ADAM19: variants seen among roughly 807,000 people sequenced by gnomAD.
The protein encoded by ADAM19 is ADAM metallopeptidase domain 19, also known as disintegrin and metalloproteinase domain-containing protein 19.
ADAM19 carries 65 observed loss-of-function variants against 114.7 expected under a neutral mutation model. That is an observed-to-expected ratio of 0.57 (90% CI 0.46 to 0.70). ADAM19 has a LOEUF of 0.70. Ranked by LOEUF, ADAM19 falls within the 30% of genes least tolerant of loss-of-function variation. ADAM19 has a pLI of 0.00. For missense variants in ADAM19, 1,063 were observed against 1,204.7 expected, an observed-to-expected ratio of 0.88 and a Z score of 1.74; for synonymous variants, 466 against 460.5, an observed-to-expected ratio of 1.01 and a Z score of -0.15.
rs776049200 is a variant in ADAM19 at position 157,520,056 on chromosome 5, CTGGTCAAAGATTATGGT to C, written c.408-42_408-26del. The C allele has an allele frequency of 2.5e-6, 4 of 1,588,382 alleles. No homozygotes were observed. The African/African-American group carries it at 5.4e-5, about 21-fold the overall frequency. Reference sequence around the variant, plus strand: ...TCTGTTGAGAGGAGAAATAGAATCTCTGGTCAAAGATTATGGTTCTGAAAAAGTCCCTTGTGTAGGTC... The same window carrying C: ...TCTGTTGAGAGGAGAAATAGAATCTCTCTGAAAAAGTCCCTTGTGTAGGTC... On this transcript the variant is annotated intron_variant, in intron 5 of 22. Transcript: ENST00000257527.
intron 3 of ADAM19, among the ~76,000 whole-genome samples, chr5:157,554,057 C>T (rs1299094726): frequency 6.6e-6 from 1 of 152,140 alleles, no homozygotes; most frequent in Non-Finnish European, 1.5e-5. Flanking sequence ...ACCAAGAATA[C>T]ACTATGACCT....
At chr5:157,559,182 T>C (rs1757442782) in intron 3 of ADAM19, among the ~76,000 whole-genome samples, 1 of 152,232 alleles carries the variant, frequency 6.6e-6, no homozygotes, top group Non-Finnish European at 1.5e-5. Context: ...CAAACGCCCG[T>C]TCTTATTAAC....
chr5:157,515,765 T>C (rs1174797646), intron 7 of ADAM19, among the ~76,000 whole-genome samples: 1 of 152,178 alleles, frequency 6.6e-6, no homozygotes, highest in African/African-American at 2.4e-5. Context: ...GCCAGCATCA[T>C]GGAAGTCCTT....
intron 3 of ADAM19, among the ~76,000 whole-genome samples, chr5:157,558,014 A>T (rs957661221): frequency 6.6e-6 from 1 of 152,228 alleles, no homozygotes; most frequent in Non-Finnish European, 1.5e-5. Context: ...CTGCAACTCC[A>T]GGCATTTGGG....
chr5:157,490,459 C>G lies in ADAM19; in HGVS notation c.2096-5G>C, dbSNP rs756037594. On this transcript the variant is annotated splice_polypyrimidine_tract_variant and splice_region_variant and intron_variant, in intron 18 of 22. Transcript: ENST00000257527. Reference sequence around the variant, plus strand: ...CAGCTACCACAGGACCCACACCTTCCAGAAACAGAACCCAAGTGGGAGATT... The same window carrying G: ...CAGCTACCACAGGACCCACACCTTCGAGAAACAGAACCCAAGTGGGAGATT... 1.9e-6 allele frequency: 3 copies of G among 1,613,430 alleles called. No individual in the cohort carries two copies. Among genetic ancestry groups the G allele is most frequent in the Non-Finnish European group, 2.5e-6 (3 of 1,179,690 alleles).
intron 3 of ADAM19, among the ~76,000 whole-genome samples, chr5:157,558,926 C>T (rs1757433702): frequency 6.6e-6 from 1 of 152,122 alleles, no homozygotes; most frequent in African/African-American, 2.4e-5. Context: ...TGTTAGGGAG[C>T]TAGATTACTC....
intron 19 of ADAM19, among the ~76,000 whole-genome samples, chr5:157,489,790 A>C (rs577601296): frequency 1.3e-5 from 2 of 152,334 alleles, no homozygotes; most frequent in African/African-American, 4.8e-5. Context: ...GTTCGAGACC[A>C]GCCTGGTCAA....
At chr5:157,491,550 C>A in intron 18 of ADAM19, 65 bp downstream of exon 18, 1 of 1,170,276 alleles carries the variant, frequency 8.5e-7, no homozygotes, top group Non-Finnish European at 1.2e-6. Context: ...TGCAACATGC[C>A]ACCTGCCCCT....
intron 9 of ADAM19, among the ~76,000 whole-genome samples, chr5:157,508,177 C>A (rs1315680721): frequency 2.0e-5 from 3 of 152,212 alleles, no homozygotes; most frequent in African/African-American, 7.2e-5. Flanking sequence ...TTCTAATAGC[C>A]AAAGACTCTT....
At chr5:157,499,130 A>G (rs535696139) in intron 13 of ADAM19, among the ~76,000 whole-genome samples, 10 of 152,282 alleles carry the variant, frequency 6.6e-5, no homozygotes, top group African/African-American at 2.4e-4. Context: ...TCTAGTTTCC[A>G]CATCTTAAAA....
chr5:157,573,604 G>T (rs2113804908), intron 1 of ADAM19, among the ~76,000 whole-genome samples: 1 of 152,260 alleles, frequency 6.6e-6, no homozygotes, highest in East Asian at 1.9e-4. Flanking sequence ...AAACTAGCCG[G>T]GTGTGGTGGC....
intron 11 of ADAM19, among the ~76,000 whole-genome samples, chr5:157,504,559 C>T (rs2113718474): frequency 6.6e-6 from 1 of 152,188 alleles, no homozygotes; most frequent in Non-Finnish European, 1.5e-5. Context: ...CCAACATCAT[C>T]CTTTCCATGT....
chr5:157,560,058 G>A (rs1757469013), intron 3 of ADAM19, among the ~76,000 whole-genome samples: 1 of 151,834 alleles, frequency 6.6e-6, no homozygotes, highest in South Asian at 2.1e-4. Context: ...GAGGTCAGGA[G>A]ATCGAGACCA....
chr5:157,491,334 A>G (rs1755147222), intron 18 of ADAM19, among the ~76,000 whole-genome samples: 1 of 152,192 alleles, frequency 6.6e-6, no homozygotes, highest in South Asian at 2.1e-4. Flanking sequence ...CCTAAAAAGA[A>G]TGGGAACATT....
In ADAM19 at chr5:157,498,690, A is replaced by G. The variant is rs111644980; in HGVS notation, c.1398+883T>C. ...TATATAATTACACATGTGTGTATGTATATATATATATATATATATATGGAT... is the reference window on the plus strand; with the variant it reads ...TATATAATTACACATGTGTGTATGTGTATATATATATATATATATATGGAT... On this transcript the variant is annotated intron_variant, in intron 13 of 22. Coordinates refer to ENST00000257527, the MANE Select transcript of ADAM19 (RefSeq NM_033274.5). Among the ~76,000 whole-genome samples the G allele has an allele frequency of 3.0e-3, 308 of 101,688 alleles. 1 individual carries two copies. The highest frequency in any genetic ancestry group is 0.011 in the Middle Eastern group (2 of 174). 66.7% of individuals were successfully genotyped at this position (101,688 alleles called of 152,430 possible).
At chr5:157,513,555 T>C (rs1359093965) in intron 7 of ADAM19, 50 bp from the exon 8 acceptor site, 3 of 1,488,980 alleles carry the variant, frequency 2.0e-6, no homozygotes, top group Non-Finnish European at 2.8e-6. Flanking sequence ...TCTCACAGGA[T>C]GCTTCCTGCG....
At chr5:157,517,425 A>G (rs2113737138) in intron 7 of ADAM19, among the ~76,000 whole-genome samples, 1 of 152,330 alleles carries the variant, frequency 6.6e-6, no homozygotes, top group African/African-American at 2.4e-5. Context: ...CTTAGTACTT[A>G]TATGATGGAG....
At chr5:157,483,974 C>G (rs1004672091) in intron 21 of ADAM19, among the ~76,000 whole-genome samples, 4 of 149,820 alleles carry the variant, frequency 2.7e-5, no homozygotes, top group African/African-American at 9.9e-5. Context: ...AGAGCATGTA[C>G]GTGTATTGCC....
chr5:157,477,323 C>A lies in ADAM19; in HGVS notation c.*3626G>T, dbSNP rs1381151353. On this transcript the variant is annotated 3_prime_UTR_variant, in exon 23 of 23. Transcript: ENST00000257527. ...ACCAGATAACATTGCAAATGACAAA[C>A]AATTCATTTTTAATTAAATACTAAC... The A allele has an allele frequency of 1.8e-5, 18 of 998,664 alleles. No homozygotes were observed. Among genetic ancestry groups the A allele is most frequent in the Non-Finnish European group, 2.2e-5 (18 of 837,144 alleles). 61.9% of individuals were successfully genotyped at this position (998,664 alleles called of 1,614,324 possible).
Sources: gnomAD v4.1 joint callset for allele counts (sites outside exome capture counted in the v4.1 genomes callset) on GRCh38, gnomAD v4.1.1 for gene constraint, MANE v1.5 for transcripts, NCBI Gene and HGNC (gene_info 2026-07-23, HGNC 2026-07-21) for gene names.